Variants in HSD17B12 observed in about 807,000 individuals in gnomAD.
The protein encoded by HSD17B12 is very-long-chain 3-oxoacyl-CoA reductase.
In HSD17B12, 32 loss-of-function variants were observed where a neutral mutation model predicts 39.3. The ratio of observed to expected loss-of-function variants is 0.81; its 90% CI spans 0.61 to 1.09. The LOEUF (loss-of-function observed/expected upper bound fraction) is 1.09, where lower values mean the gene tolerates loss of function less well. Ranked by LOEUF, HSD17B12 falls within the 50% of genes least tolerant of loss-of-function variation. The pLI, the probability that HSD17B12 is intolerant of heterozygous loss-of-function variation, is 0.00. For missense variants in HSD17B12, 342 were observed against 382.9 expected (o/e 0.89, Z 0.89); for synonymous variants, 150 against 146.7 (o/e 1.02, Z -0.16).
the HSD17B12 span, among the ~76,000 whole-genome samples, chr11:43,558,226 G>T: frequency 1.3e-5 from 2 of 151,888 alleles, no homozygotes; most frequent in African/African-American, 4.8e-5. Flanking sequence ...TGGAGAGAGG[G>T]GGCTTTTGAA....
chr11:43,580,449 A>G, the HSD17B12 span, among the ~76,000 whole-genome samples: 2 of 151,672 alleles, frequency 1.3e-5, no homozygotes, highest in African/African-American at 2.4e-5. Flanking sequence ...CAATACTGAG[A>G]CGGTTTCGGG....
chr11:43,722,950 C>T (rs1360979460), intron 1 of HSD17B12, among the ~76,000 whole-genome samples: 1 of 152,094 alleles, frequency 6.6e-6, no homozygotes, highest in Non-Finnish European at 1.5e-5. Context: ...TGCAAAGATG[C>T]CCCTGGTTGC....
the HSD17B12 span, among the ~76,000 whole-genome samples, chr11:43,580,181 G>C: frequency 6.6e-6 from 1 of 150,900 alleles, no homozygotes; most frequent in Non-Finnish European, 1.5e-5. Flanking sequence ...CGGGATGGAG[G>C]AAGAGGGAGG....
intron 1 of HSD17B12, among the ~76,000 whole-genome samples, chr11:43,682,104 AAAC>A (rs1949751767): frequency 6.6e-6 from 1 of 152,220 alleles, no homozygotes; most frequent in African/African-American, 2.4e-5. Context: ...AGAAACATTT[AAAC>A]AACCTAGTAG....
intron 1 of HSD17B12, among the ~76,000 whole-genome samples, chr11:43,723,129 A>C (rs765348988): frequency 4.6e-5 from 7 of 152,206 alleles, no homozygotes; most frequent in Admixed American, 2.6e-4. Context: ...GTGGCATGTT[A>C]GTAATCAGAA....
chr11:43,604,357 A>G, the HSD17B12 span, among the ~76,000 whole-genome samples: 1 of 152,182 alleles, frequency 6.6e-6, no homozygotes, highest in African/African-American at 2.4e-5. Context: ...ATAAAGGAGG[A>G]CAATGTTGCA....
intron 3 of HSD17B12, among the ~76,000 whole-genome samples, chr11:43,776,283 T>A (rs1950702812): frequency 6.6e-6 from 1 of 152,212 alleles, no homozygotes; most frequent in Non-Finnish European, 1.5e-5. Context: ...CCTGACTTTT[T>A]AATGATTGCC....
chr11:43,588,294 A>G, the HSD17B12 span, among the ~76,000 whole-genome samples: 3 of 152,198 alleles, frequency 2.0e-5, no homozygotes, highest in Non-Finnish European at 4.4e-5. Flanking sequence ...AGGACCCTGG[A>G]AGTGAAGTGA....
chr11:43,822,661 C>T (rs1189603867), intron 6 of HSD17B12, among the ~76,000 whole-genome samples: 2 of 152,196 alleles, frequency 1.3e-5, no homozygotes, highest in African/African-American at 4.8e-5. Context: ...AGGACATGAA[C>T]TCATCCTTTT....
chr11:43,752,585 G>A (rs760065889), intron 2 of HSD17B12, among the ~76,000 whole-genome samples: 8 of 151,918 alleles, frequency 5.3e-5, no homozygotes, highest in Non-Finnish European at 1.2e-4. Context: ...ATGGTGGTGG[G>A]TGCTTGTAAT....
At chr11:43,660,392 A>T in the HSD17B12 span, among the ~76,000 whole-genome samples, 63 of 152,370 alleles carry the variant, frequency 4.1e-4, no homozygotes, top group African/African-American at 1.4e-3. Flanking sequence ...CAAATGTCCA[A>T]TAAGACATTG....
the HSD17B12 span, among the ~76,000 whole-genome samples, chr11:43,619,247 T>TATATATATATGATATATATATATAAA: frequency 0.23 from 10,023 of 44,442 alleles, 882 homozygotes; most frequent in East Asian, 0.37. Flanking sequence ...ATATATAAAA[T>TATATATATATGATATATATATATAAA]ATATATATAT....
intron 3 of HSD17B12, among the ~76,000 whole-genome samples, chr11:43,767,594 T>C (rs1191772407): frequency 6.6e-6 from 1 of 152,236 alleles, no homozygotes. Flanking sequence ...TGTTACATGC[T>C]AATTTTTAAA....
At chr11:43,782,926 A>G (rs1391239433) in intron 3 of HSD17B12, among the ~76,000 whole-genome samples, 1 of 152,226 alleles carries the variant, frequency 6.6e-6, no homozygotes, top group East Asian at 1.9e-4. Flanking sequence ...GTGCCACCTG[A>G]TGGGATGCAG....
At chr11:43,829,823 AT>A (rs1951290024) in intron 6 of HSD17B12, 2 of 152,184 alleles carry the variant, frequency 1.3e-5, no homozygotes, top group Non-Finnish European at 2.9e-5. Flanking sequence ...GGAACTCTTT[AT>A]AATACTTTAG....
At chr11:43,681,096 C>T (rs977161113) in intron 1 of HSD17B12, 109 bp downstream of exon 1, 5 of 1,426,508 alleles carry the variant, frequency 3.5e-6, no homozygotes, top group Non-Finnish European at 4.6e-6. Flanking sequence ...CCCCAGCTCT[C>T]CTCTTTCTCA....
chr11:43,820,578 G>A (rs558097979), intron 6 of HSD17B12, among the ~76,000 whole-genome samples: 1 of 152,326 alleles, frequency 6.6e-6, no homozygotes, highest in Admixed American at 6.5e-5. Flanking sequence ...GTTTTATTGT[G>A]GCTGGACATC....
chr11:43,635,590 G>A, the HSD17B12 span, among the ~76,000 whole-genome samples: 1 of 152,206 alleles, frequency 6.6e-6, no homozygotes, highest in Non-Finnish European at 1.5e-5. Context: ...AGAGCACCTT[G>A]AAGATAGTTA....
chr11:43,694,488 C>T (rs1432088870), intron 1 of HSD17B12, among the ~76,000 whole-genome samples: 5 of 151,636 alleles, frequency 3.3e-5, no homozygotes, highest in Non-Finnish European at 7.4e-5. Flanking sequence ...ATTGCTTGAG[C>T]CCAGGAGTTC....
Sources: allele counts gnomAD v4.1 joint callset (sites outside exome capture counted in the v4.1 genomes callset), GRCh38; gene constraint gnomAD v4.1.1; transcripts MANE v1.5; gene names NCBI Gene and HGNC (gene_info 2026-07-23, HGNC 2026-07-21).